The following DSCAM variants were observed in gnomAD, a reference collection of about 807,000 sequenced individuals.
DSCAM encodes cell adhesion molecule DSCAM.
In DSCAM, 47 loss-of-function variants were observed where a neutral mutation model predicts 217.7. The observed-to-expected ratio is 0.22, with a 90% CI of 0.17 to 0.28. DSCAM has a LOEUF of 0.28. Among genes scored for constraint, DSCAM ranks in the 10% least tolerant of loss-of-function variants. The probability of loss-of-function intolerance (pLI) is 1.00; values close to 1 mark genes in which losing one functional copy is unlikely to be tolerated. For synonymous variants in DSCAM, 1,056 were observed against 1,015.3 expected, an observed-to-expected ratio of 1.04 and a Z score of -0.76; for missense variants, 2,080 against 2,618.3, an observed-to-expected ratio of 0.79 and a Z score of 4.49.
At chr21:40,312,825 A>C (rs1019456187) in intron 8 of DSCAM, among the ~76,000 whole-genome samples, 13 of 152,190 alleles carry the variant, frequency 8.5e-5, no homozygotes, top group Non-Finnish European at 1.5e-4. Context: ...CAGAAATTCC[A>C]ATTTTGGCTG....
intron 3 of DSCAM, among the ~76,000 whole-genome samples, chr21:40,422,437 T>C (rs964194073): frequency 1.3e-5 from 2 of 151,386 alleles, no homozygotes; most frequent in African/African-American, 4.9e-5. Flanking sequence ...TGAGACCAAA[T>C]TGGCCAACAT....
chr21:40,107,449 G>C (rs7280634), intron 20 of DSCAM, among the ~76,000 whole-genome samples: 7,444 of 152,120 alleles, frequency 0.049, 594 homozygotes, highest in African/African-American at 0.16. Flanking sequence ...ATATTCTGTT[G>C]TTTGGGGGTG....
intron 15 of DSCAM, among the ~76,000 whole-genome samples, chr21:40,173,909 G>A (rs770730788): frequency 2.0e-5 from 3 of 152,182 alleles, no homozygotes; most frequent in Non-Finnish European, 4.4e-5. Context: ...AATTGAAGCT[G>A]CATGTTCTAT....
chr21:40,545,436 C>G (rs933877177), intron 3 of DSCAM, among the ~76,000 whole-genome samples: 10 of 152,170 alleles, frequency 6.6e-5, no homozygotes, highest in Non-Finnish European at 1.5e-4. Context: ...CATATATTCA[C>G]TCTTCCAGCA....
intron 8 of DSCAM, among the ~76,000 whole-genome samples, chr21:40,321,781 C>G (rs1295108535): frequency 2.0e-5 from 3 of 152,160 alleles, no homozygotes; most frequent in Non-Finnish European, 4.4e-5. Context: ...TGTGCAGATG[C>G]AGACCTTCGC....
intron 27 of DSCAM, among the ~76,000 whole-genome samples, chr21:40,072,677 C>T (rs1271197095): frequency 6.6e-6 from 1 of 152,124 alleles, no homozygotes; most frequent in African/African-American, 2.4e-5. Flanking sequence ...TTTGAGAGAA[C>T]CCTTTATTAG....
At chr21:40,078,544 G>A (rs2089402068) in intron 26 of DSCAM, 143 bp downstream of exon 26, 1 of 1,051,772 alleles carries the variant, frequency 9.5e-7, no homozygotes, top group Non-Finnish European at 1.3e-6. Flanking sequence ...CCCAGACAGA[G>A]TCCATTGAAT....
intron 11 of DSCAM, among the ~76,000 whole-genome samples, chr21:40,251,006 G>T (rs28669179): frequency 0.048 from 7,244 of 152,322 alleles, 468 homozygotes; most frequent in African/African-American, 0.14. Flanking sequence ...TGAAAAGGGA[G>T]TGGAGGCCTT....
intron 1 of DSCAM, among the ~76,000 whole-genome samples, chr21:40,762,847 A>C (rs774372703): frequency 1.8e-4 from 27 of 152,236 alleles, no homozygotes; most frequent in Non-Finnish European, 3.8e-4. Context: ...CAAAAAATAC[A>C]TGATTATCTC....
intron 10 of DSCAM, among the ~76,000 whole-genome samples, chr21:40,290,608 G>A (rs920060651): frequency 2.0e-5 from 3 of 152,116 alleles, no homozygotes; most frequent in East Asian, 3.9e-4. Flanking sequence ...GCAACAGAGC[G>A]AGACTCCATC....
At chr21:40,556,759 T>C (rs1297971218) in intron 3 of DSCAM, among the ~76,000 whole-genome samples, 1 of 152,158 alleles carries the variant, frequency 6.6e-6, no homozygotes, top group Non-Finnish European at 1.5e-5. Context: ...AACCTATTTA[T>C]GATGGATCCA....
rs2076166707 is a variant in DSCAM at position 40,501,053 on chromosome 21, C to G, written c.509-131808G>C. Among the ~76,000 whole-genome samples, 5 of 152,316 alleles carry G rather than the reference C, an allele frequency of 3.3e-5. No individual in the cohort carries two copies. In the South Asian group the frequency reaches 1.0e-3, roughly 32 times the overall value. ...CTATTACTGCAAATATTACTTCATACAGCCTAAAGGTAGAATTAGTAGTCT... is the reference window on the plus strand; with the variant it reads ...CTATTACTGCAAATATTACTTCATAGAGCCTAAAGGTAGAATTAGTAGTCT... On this transcript the variant is annotated intron_variant, in intron 3 of 32. Coordinates refer to ENST00000400454, the MANE Select transcript of DSCAM (RefSeq NM_001389.5).
At chr21:40,437,244 C>T (rs1182249780) in intron 3 of DSCAM, among the ~76,000 whole-genome samples, 1 of 152,078 alleles carries the variant, frequency 6.6e-6, no homozygotes, top group Non-Finnish European at 1.5e-5. Flanking sequence ...ACATTCAGGA[C>T]CATTTTCAAG....
At chr21:40,530,881 C>G (rs1260052548) in intron 3 of DSCAM, among the ~76,000 whole-genome samples, 1 of 83,368 alleles carries the variant, frequency 1.2e-5, no homozygotes, top group East Asian at 5.0e-4. Context: ...CCCTGCCTGT[C>G]CATCCATCCA....
intron 3 of DSCAM, among the ~76,000 whole-genome samples, chr21:40,677,063 G>C (rs1248109811): frequency 6.6e-6 from 1 of 152,118 alleles, no homozygotes; most frequent in Non-Finnish European, 1.5e-5. Context: ...AATTAGCCGG[G>C]GGGGAATCTC....
At chr21:40,779,338 A>T (rs749757357) in intron 1 of DSCAM, among the ~76,000 whole-genome samples, 1 of 152,194 alleles carries the variant, frequency 6.6e-6, no homozygotes, top group African/African-American at 2.4e-5. Context: ...TTCCTCAATC[A>T]TTTCATGGAA....
chr21:40,345,907 CG>C lies in DSCAM; in HGVS notation c.1210+1762del, dbSNP rs1196972999. The stretch of plus-strand genomic sequence containing the variant: ...CTGCGAGTGTGCTGGCGGTGCGCCT[CG>C]GCCCCCTTTTTAGTTCAAGTGACAG... On this transcript the variant is annotated intron_variant, in intron 6 of 32. Coordinates refer to ENST00000400454, the MANE Select transcript of DSCAM (RefSeq NM_001389.5). Among the ~76,000 whole-genome samples, 5 of 151,864 alleles carry C rather than the reference CG, an allele frequency of 3.3e-5. No individual in the cohort carries two copies. In the East Asian group the frequency reaches 9.6e-4, roughly 29 times the overall value.
At chr21:40,760,171 T>G (rs983605457) in intron 1 of DSCAM, among the ~76,000 whole-genome samples, 15 of 151,790 alleles carry the variant, frequency 9.9e-5, no homozygotes, top group Non-Finnish European at 1.6e-4. Context: ...TTTTTGAAAT[T>G]TTTTTTCATT....
chr21:40,368,386 T>C (rs2074856702), intron 4 of DSCAM, among the ~76,000 whole-genome samples: 1 of 152,186 alleles, frequency 6.6e-6, no homozygotes, highest in Admixed American at 6.5e-5. Context: ...GCAATTGACT[T>C]GTAAAAGAAC....
Sources: allele counts gnomAD v4.1 joint callset (sites outside exome capture counted in the v4.1 genomes callset), GRCh38; gene constraint gnomAD v4.1.1; transcripts MANE v1.5; gene names NCBI Gene and HGNC (gene_info 2026-07-23, HGNC 2026-07-21).